The following GFRA1 variants were observed in gnomAD, a reference collection of about 807,000 sequenced individuals.
GFRA1 encodes the protein GDNF family receptor alpha 1.
GFRA1 carries 16 observed loss-of-function variants against 51.6 expected under a neutral mutation model. The observed-to-expected ratio is 0.31, with a 90% CI of 0.21 to 0.47. The LOEUF (loss-of-function observed/expected upper bound fraction) is 0.47, where lower values mean the gene tolerates loss of function less well. Among genes scored for constraint, GFRA1 ranks in the 20% least tolerant of loss-of-function variants. The pLI is 1.00. For synonymous variants in GFRA1, 270 were observed against 241.3 expected (o/e 1.12, Z -1.10); for missense variants, 530 against 594.3 (o/e 0.89, Z 1.13).
At chr10:116,186,418 C>A (rs958480424) in intron 5 of GFRA1, among the ~76,000 whole-genome samples, 3 of 152,200 alleles carry the variant, frequency 2.0e-5, no homozygotes, top group Non-Finnish European at 4.4e-5. Context: ...TGCCACTGAG[C>A]ACAGTTTTGC....
At chr10:116,094,103 T>C (rs1956474167) in intron 7 of GFRA1, among the ~76,000 whole-genome samples, 1 of 152,186 alleles carries the variant, frequency 6.6e-6, no homozygotes, top group Non-Finnish European at 1.5e-5. Flanking sequence ...GGTATGGATG[T>C]CGTGGAGTAG....
intron 4 of GFRA1, among the ~76,000 whole-genome samples, chr10:116,228,558 T>C (rs1966467163): frequency 6.6e-6 from 1 of 152,160 alleles, no homozygotes; most frequent in Non-Finnish European, 1.5e-5. Flanking sequence ...ATTACTTAGG[T>C]GGGCCCAGCC....
intron 4 of GFRA1, among the ~76,000 whole-genome samples, chr10:116,224,206 T>C (rs1966120581): frequency 6.6e-6 from 1 of 152,224 alleles, no homozygotes; most frequent in Admixed American, 6.5e-5. Context: ...GTGCTGGTGA[T>C]TATGTAGAGA....
intron 5 of GFRA1, among the ~76,000 whole-genome samples, chr10:116,204,512 C>T (rs1029844867): frequency 6.6e-6 from 1 of 152,244 alleles, no homozygotes; most frequent in Admixed American, 6.5e-5. Context: ...AGTGATTGTA[C>T]AATCCTATTG....
chr10:116,071,775 G>C (rs937642560), intron 9 of GFRA1, among the ~76,000 whole-genome samples: 4 of 152,178 alleles, frequency 2.6e-5, no homozygotes, highest in African/African-American at 9.7e-5. Flanking sequence ...CTTAGAAATG[G>C]TATGTCTATA....
chr10:116,131,053 A>G (rs979735108), intron 5 of GFRA1, among the ~76,000 whole-genome samples: 4 of 152,150 alleles, frequency 2.6e-5, no homozygotes, highest in African/African-American at 9.7e-5. Context: ...AAAATATATT[A>G]AAAATGCCCA....
At chr10:116,206,292 T>C (rs1034894787) in intron 5 of GFRA1, among the ~76,000 whole-genome samples, 4 of 152,298 alleles carry the variant, frequency 2.6e-5, no homozygotes, top group African/African-American at 9.6e-5. Flanking sequence ...AATTCATGGC[T>C]AAGGGGTCGC....
At position 116,217,315 on chromosome 10, in the gene GFRA1, A is replaced by G. The variant is rs79895785; in HGVS notation, c.419-5670T>C. 9.9e-3 allele frequency among the ~76,000 whole-genome samples: 1,502 copies of G among 152,330 alleles called. 25 individuals are homozygous for G. Among genetic ancestry groups the G allele is most frequent in the African/African-American group, 0.034 (1,413 of 41,570 alleles). On this transcript the variant is annotated intron_variant, in intron 4 of 10. Transcript: ENST00000355422. The stretch of plus-strand genomic sequence containing the variant: ...TGTAGCTTACATTCCTATCTATAAA[A>G]TGGCAACAGTAGGGATAAGCTTTTT...
upstream of GFRA1, among the ~76,000 whole-genome samples, chr10:116,274,395 G>A (rs1029499574): frequency 3.3e-5 from 5 of 152,226 alleles, no homozygotes; most frequent in Non-Finnish European, 7.3e-5. Flanking sequence ...CGCCGCGGAG[G>A]ACAGACAAGA....
At chr10:116,157,971 C>G (rs964199533) in intron 5 of GFRA1, among the ~76,000 whole-genome samples, 7 of 152,178 alleles carry the variant, frequency 4.6e-5, no homozygotes, top group African/African-American at 1.7e-4. Flanking sequence ...AAAAGTCCTC[C>G]ATTCCTTACT....
intron 5 of GFRA1, among the ~76,000 whole-genome samples, chr10:116,179,956 T>C (rs1962048339): frequency 1.3e-5 from 2 of 152,146 alleles, no homozygotes; most frequent in Admixed American, 1.3e-4. Flanking sequence ...CAGGGATGCT[T>C]GGTGTCACCC....
At chr10:116,092,521 G>A (rs1028232370) in intron 8 of GFRA1, among the ~76,000 whole-genome samples, 2 of 152,068 alleles carry the variant, frequency 1.3e-5, no homozygotes, top group Admixed American at 1.3e-4. Context: ...GCTGAGCCTT[G>A]ATTCCCAGAA....
rs183232055 is a variant in GFRA1, at chr10:116,168,088, A to C, written c.434-42531T>G. Among the ~76,000 whole-genome samples, 224 of 152,320 alleles carry C rather than the reference A, an allele frequency of 1.5e-3. 1 individual carries two copies. The highest frequency in any genetic ancestry group is 3.4e-3 in the Middle Eastern group (1 of 294). On this transcript the variant is annotated intron_variant, in intron 5 of 10. Transcript: ENST00000355422. ...CCAAAAACCACTTGTATCCTATTAA[A>C]ATAATAAATAATACATAAATAAGAG...
rs1414689140 is a variant in GFRA1, at chr10:116,226,770, C to T, written c.419-15125G>A. 1.4e-5 allele frequency: 6 copies of T among 421,192 alleles called. No homozygotes were observed. The East Asian group carries it at 2.9e-4, about 20-fold the overall frequency. 26.1% of individuals were successfully genotyped at this position (421,192 alleles called of 1,614,324 possible). Reference sequence around the variant, plus strand: ...ATTATAGAACCAGTGGCAGCCCTGACCTTGTTTTCCTGCAACTAGAGGGTC... The same window carrying T: ...ATTATAGAACCAGTGGCAGCCCTGATCTTGTTTTCCTGCAACTAGAGGGTC... On this transcript the variant is annotated intron_variant, in intron 4 of 10. Coordinates refer to ENST00000355422, the MANE Select transcript of GFRA1 (RefSeq NM_005264.8).
Position 116,201,004 on chromosome 10 carries a change from T to C in GFRA1, c.433+10627A>G, listed in dbSNP as rs1033775704. 3.3e-5 allele frequency among the ~76,000 whole-genome samples: 5 copies of C among 152,216 alleles called. No individual in the cohort carries two copies. In the South Asian group the frequency reaches 6.2e-4, roughly 19 times the overall value. ...AAACAATATGGACAGTTTTATGGTA[T>C]GCTCACAGTGCATGCTATTTCTCTG... On this transcript the variant is annotated intron_variant, in intron 5 of 10. Coordinates refer to ENST00000355422, the MANE Select transcript of GFRA1 (RefSeq NM_005264.8).
chr10:116,211,516 TA>T, intron 5 of GFRA1, 114 bp downstream of exon 5: 2 of 977,840 alleles, frequency 2.0e-6, no homozygotes, highest in Non-Finnish European at 3.2e-6. Context: ...CCTGAGGGCC[TA>T]AATGACATGT....
chr10:116,235,772 T>C (rs779814787), intron 4 of GFRA1, among the ~76,000 whole-genome samples: 5 of 152,066 alleles, frequency 3.3e-5, no homozygotes, highest in East Asian at 1.9e-4. Context: ...GCCGTCAAGA[T>C]TGGATAAGAG....
At chr10:116,177,509 C>T (rs752640737) in intron 5 of GFRA1, among the ~76,000 whole-genome samples, 1 of 152,020 alleles carries the variant, frequency 6.6e-6, no homozygotes, top group African/African-American at 2.4e-5. Context: ...GGACCTGGAG[C>T]TTGGGAGGAG....
At chr10:116,122,089 G>T (rs559843940) in intron 6 of GFRA1, among the ~76,000 whole-genome samples, 68 of 152,258 alleles carry the variant, frequency 4.5e-4, no homozygotes, top group African/African-American at 1.6e-3. Context: ...TAACACCAGG[G>T]AAGTCACGGA....
Sources: gnomAD v4.1 joint callset for allele counts (sites outside exome capture counted in the v4.1 genomes callset) on GRCh38, gnomAD v4.1.1 for gene constraint, MANE v1.5 for transcripts, NCBI Gene and HGNC (gene_info 2026-07-23, HGNC 2026-07-21) for gene names.